The following SI variants were observed in gnomAD, a reference collection of about 807,000 sequenced individuals.
SI encodes the protein sucrase-isomaltase, also known as sucrase-isomaltase, intestinal.
In SI, 235 loss-of-function variants were observed where a neutral mutation model predicts 253.3. The observed-to-expected ratio is 0.93, with a 90% CI of 0.83 to 1.03. The LOEUF (loss-of-function observed/expected upper bound fraction) is 1.03, where lower values mean the gene tolerates loss of function less well. Among genes scored for constraint, SI ranks in the 50% least tolerant of loss-of-function variants. The pLI, the probability that SI is intolerant of heterozygous loss-of-function variation, is 0.00. For synonymous variants in SI, 819 were observed against 712.0 expected (o/e 1.15, Z -2.39); for missense variants, 2,442 against 2,211.1 (o/e 1.10, Z -2.09).
Position 164,994,294 on chromosome 3 carries a change from C to G in SI, c.4804G>C (p.Ala1602Pro). The change falls in exon 41 of 48, where the codon GCT becomes CCT. Residue 1602 changes from alanine to proline, a missense_variant. Ala to Pro is a conservative substitution (Grantham distance 27). Transcript: ENST00000264382. ...GGTCGGATAACAGTGCCACCATTAG[C>G]ATGAATTTCATGCATTTGTGTGTAA... ...YFYTQMHEIH[A>P]NGGTVIRPLL... 6.2e-7 allele frequency: 1 copy of G among 1,611,114 alleles called. No homozygotes were observed. The highest frequency in any genetic ancestry group is 8.5e-7 in the Non-Finnish European group (1 of 1,178,010).
In SI at chr3:165,063,553, G is replaced by A. The variant is rs754042445; in HGVS notation, c.808-12C>T. ...AAATTATTATTATTCTATAAGGCAA[G>A]AATTTGAAAATACGATTTTCAAATA... On this transcript the variant is annotated splice_polypyrimidine_tract_variant and intron_variant, in intron 7 of 47. Transcript: ENST00000264382. 5.4e-5 allele frequency: 63 copies of A among 1,173,114 alleles called. No individual in the cohort carries two copies. The highest frequency in any genetic ancestry group is 7.6e-5 in the Non-Finnish European group (60 of 790,182). The allele number at this position is 1,173,114 out of a possible 1,614,324, so 72.7% of individuals were successfully genotyped here.
Position 165,068,744 on chromosome 3 carries a change from G to A in SI, c.461C>T (p.Thr154Ile). The A allele has an allele frequency of 6.2e-7, 1 of 1,612,960 alleles. No homozygotes were observed. The part of the protein sequence containing the change: ...NSVLFTTQNQ[T>I]PNRFRFKITD... ...AACCTTGAACCGGAAACGATTGGGT[G>A]TCTGATTTTGAGTTGTGAAGAGAAC... The change falls in exon 5 of 48, where the codon ACA becomes ATA. Residue 154 changes from threonine (T) to isoleucine (I), a missense_variant. By Grantham distance (89) the Thr-to-Ile change is moderately conservative. Transcript: ENST00000264382.
At chr3:165,010,319 C>T (rs945510497) in intron 34 of SI, among the ~76,000 whole-genome samples, 4 of 152,086 alleles carry the variant, frequency 2.6e-5, no homozygotes, top group African/African-American at 7.2e-5. Context: ...ACCACCACAC[C>T]TGGCTAATTT....
At chr3:165,075,824 C>G in intron 2 of SI, 71 bp downstream of exon 2, 1 of 926,892 alleles carries the variant, frequency 1.1e-6, no homozygotes, top group South Asian at 1.4e-5. Context: ...TTTTTAAAAC[C>G]TATAACTATT....
Position 165,069,061 on chromosome 3 carries a change from AAC to A in SI, c.373+15_373+16del. The A allele has an allele frequency of 6.7e-7, 1 of 1,502,106 alleles. No individual in the cohort carries two copies. The highest frequency in any genetic ancestry group is 9.3e-7 in the Non-Finnish European group (1 of 1,077,982). The allele number at this position is 1,502,106 out of a possible 1,614,324, so 93.0% of individuals were successfully genotyped here. A position where few individuals can be genotyped will look rare whatever the true frequency, so the allele number is the denominator to read the frequency against. On this transcript the variant is annotated intron_variant, in intron 4 of 47. Transcript: ENST00000264382. The stretch of plus-strand genomic sequence containing the variant: ...AGAATATATCATATTGAATCATTAT[AAC>A]AGAGGACTTCTTACCAATACTTGTT...
chr3:164,994,120 T>A (rs1216671124), intron 41 of SI, 137 bp downstream of exon 41: 2 of 712,578 alleles, frequency 2.8e-6, no homozygotes, highest in Non-Finnish European at 4.8e-6. Flanking sequence ...AATGCTTTAT[T>A]AATAAAAAAT....
At chr3:164,999,686 T>C (rs1328399477) in intron 37 of SI, among the ~76,000 whole-genome samples, 2 of 151,632 alleles carry the variant, frequency 1.3e-5, no homozygotes, top group African/African-American at 4.8e-5. Context: ...TAAAATCAAG[T>C]GCTATACTTT....
intron 38 of SI, among the ~76,000 whole-genome samples, chr3:164,997,648 C>T (rs1002780239): frequency 1.3e-5 from 2 of 151,680 alleles, no homozygotes; most frequent in Non-Finnish European, 3.0e-5. Flanking sequence ...TCCCACGCCA[C>T]AACTTCATAT....
At chr3:165,035,919 A>G (rs1712507191) in intron 22 of SI, among the ~76,000 whole-genome samples, 1 of 151,766 alleles carries the variant, frequency 6.6e-6, no homozygotes. Flanking sequence ...AATTCAATTA[A>G]AGATAATAAG....
chr3:165,019,773 G>A lies in SI; in HGVS notation c.3255-3C>T, dbSNP rs778877034. ...ATCCAGGCAGCCAAGAATCCCAACT[G>A]AAAACAAAAGAAAACAAAGCTATGT... On this transcript the variant is annotated splice_region_variant and splice_polypyrimidine_tract_variant and intron_variant, in intron 27 of 47. Coordinates refer to ENST00000264382, the MANE Select transcript of SI (RefSeq NM_001041.4). 2.0e-5 allele frequency: 33 copies of A among 1,610,568 alleles called. No homozygotes were observed. Among genetic ancestry groups the A allele is most frequent in the Non-Finnish European group, 2.6e-5 (31 of 1,177,414 alleles).
intron 19 of SI, 58 bp from the exon 20 acceptor site, chr3:165,039,192 C>A (rs1318836683): frequency 2.5e-6 from 3 of 1,200,628 alleles, no homozygotes; most frequent in Admixed American, 1.8e-5. Context: ...AGGATCTTAT[C>A]AAATATTAAG....
chr3:165,083,683 C>A, the SI span, among the ~76,000 whole-genome samples: 1 of 151,864 alleles, frequency 6.6e-6, no homozygotes, highest in Non-Finnish European at 1.5e-5. Context: ...TGTTAAGTAC[C>A]TCTACTATGG....
At chr3:165,022,955 G>C (rs1174958976) in intron 26 of SI, among the ~76,000 whole-genome samples, 1 of 151,296 alleles carries the variant, frequency 6.6e-6, no homozygotes, top group African/African-American at 2.4e-5. Context: ...ACTCCACTTA[G>C]TCCTATAATT....
chr3:165,040,182 G>C (rs556121143), intron 18 of SI, among the ~76,000 whole-genome samples: 1 of 151,446 alleles, frequency 6.6e-6, no homozygotes, highest in Non-Finnish European at 1.5e-5. Context: ...AAGGAAGAAG[G>C]GGGGAGTAGA....
rs749245440 is a variant in SI at position 165,046,911 on chromosome 3, G to A, written c.1817C>T (p.Thr606Ile). The A allele has an allele frequency of 5.6e-6, 9 of 1,613,166 alleles. No homozygotes were observed. The highest frequency in any genetic ancestry group is 7.6e-6 in the Non-Finnish European group (9 of 1,179,434). ...RHAAHWLGDN[T>I]ASWEQMEWSI... Reference sequence around the variant, plus strand: ...CCATTCCATTTGTTCCCATGAAGCAGTATTGTCTCCTAACCAATGCGCAGC... The same window carrying A: ...CCATTCCATTTGTTCCCATGAAGCAATATTGTCTCCTAACCAATGCGCAGC... Residue 606 changes from threonine (T) to isoleucine (I), a missense_variant, in exon 16 of 48, where the codon ACT becomes ATT. By Grantham distance (89) the Thr-to-Ile change is moderately conservative. Coordinates refer to ENST00000264382, the MANE Select transcript of SI (RefSeq NM_001041.4).
At chr3:165,008,961 G>A (rs1034969314) in intron 35 of SI, among the ~76,000 whole-genome samples, 1 of 151,636 alleles carries the variant, frequency 6.6e-6, no homozygotes, top group African/African-American at 2.4e-5. Flanking sequence ...AAGGACTAAT[G>A]GTTATTTAAG....
chr3:165,020,128 C>G (rs1237914555), intron 27 of SI, among the ~76,000 whole-genome samples: 2 of 151,420 alleles, frequency 1.3e-5, no homozygotes, highest in Non-Finnish European at 3.0e-5. Context: ...TTTTCCTGCT[C>G]CCTTGAGATA....
intron 25 of SI, among the ~76,000 whole-genome samples, chr3:165,025,088 T>C (rs189736092): frequency 8.5e-4 from 128 of 151,360 alleles, no homozygotes; most frequent in African/African-American, 3.0e-3. Flanking sequence ...GCCTCCTTTG[T>C]CATTTCCTCC....
At chr3:165,041,850 C>T (rs1712851400) in intron 17 of SI, among the ~76,000 whole-genome samples, 1 of 152,078 alleles carries the variant, frequency 6.6e-6, no homozygotes, top group Non-Finnish European at 1.5e-5. Flanking sequence ...CCCAGTGCTG[C>T]TCCCAGCCTT....
Sources: allele counts gnomAD v4.1 joint callset (sites outside exome capture counted in the v4.1 genomes callset), GRCh38; gene constraint gnomAD v4.1.1; transcripts MANE v1.5; gene names NCBI Gene and HGNC (gene_info 2026-07-23, HGNC 2026-07-21).